The following ASB18 variants were observed in gnomAD, a reference collection of about 807,000 sequenced individuals.
The protein encoded by ASB18 is ankyrin repeat and SOCS box protein 18.
ASB18 carries 33 observed loss-of-function variants against 33.4 expected under a neutral mutation model. That is an observed-to-expected ratio of 0.99 (90% CI 0.75 to 1.32). ASB18 has a LOEUF of 1.32. Ranked by LOEUF, ASB18 falls within the 40% of genes most tolerant of loss-of-function variation. The pLI, the probability that ASB18 is intolerant of heterozygous loss-of-function variation, is 0.00. For missense variants in ASB18, 694 were observed against 655.5 expected (o/e 1.06, Z -0.64); for synonymous variants, 295 against 307.6 (o/e 0.96, Z 0.43).
Position 236,214,311 on chromosome 2 carries a change from T to G in ASB18, c.1101+51A>C. On this transcript the variant is annotated intron_variant, in intron 4 of 5. Transcript: ENST00000409749. This position sits in a 1 kb window ranked among gnomAD's most constrained non-coding sequence, Gnocchi z 6.5. ...GCAACCCAGCTCCCAGGCCGGTCAC[T>G]AAGTGGCAAAACTCCAGGGCACGTG... 2 of 1,533,114 alleles carry G rather than the reference T, an allele frequency of 1.3e-6. No homozygotes were observed. The highest frequency in any genetic ancestry group is 2.4e-5 in the South Asian group (2 of 83,204). 95.0% of individuals were successfully genotyped at this position (1,533,114 alleles called of 1,614,324 possible). A position where few individuals can be genotyped will look rare whatever the true frequency, so the allele number is the denominator to read the frequency against.
In ASB18 at chr2:236,250,744, T is replaced by C. The variant is rs1430184122; in HGVS notation, c.206-9342A>G. On this transcript the variant is annotated intron_variant, in intron 1 of 5. Transcript: ENST00000409749. This position sits in a 1 kb window ranked among gnomAD's most constrained non-coding sequence, Gnocchi z 4.1. ...TTCCTTCACCCCACTTCCTGCAGAA[T>C]TAAAAAAATATATTTTAAAAGTAAG... 1 of 152,154 alleles carries C rather than the reference T, an allele frequency of 6.6e-6. No individual in the cohort carries two copies. The highest frequency in any genetic ancestry group is 2.4e-5 in the African/African-American group (1 of 41,442). 9.4% of individuals were successfully genotyped at this position (152,154 alleles called of 1,614,324 possible).
chr2:236,225,840 TA>T lies in ASB18; in HGVS notation c.597-10975del, dbSNP rs2060534833. 6.6e-6 allele frequency among the ~76,000 whole-genome samples: 1 copy of T among 152,054 alleles called. No homozygotes were observed. Among genetic ancestry groups the T allele is most frequent in the South Asian group, 2.1e-4 (1 of 4,818 alleles). On this transcript the variant is annotated intron_variant, in intron 3 of 5. Coordinates refer to ENST00000409749, the MANE Select transcript of ASB18 (RefSeq NM_212556.4). This position sits in a 1 kb window ranked among gnomAD's most constrained non-coding sequence, Gnocchi z 5.1. The stretch of plus-strand genomic sequence containing the variant: ...CAGGAACTCAGAGACTCAAAGGTTT[TA>T]AAGTCCTGTGCCCATGGCGAATTGC...
chr2:236,202,991 C>T (rs2060412838), intron 4 of ASB18, among the ~76,000 whole-genome samples: 1 of 151,804 alleles, frequency 6.6e-6, no homozygotes, highest in Non-Finnish European at 1.5e-5. Flanking sequence ...TTGCGTATCT[C>T]CTTCAGTAAC....
Position 236,250,114 on chromosome 2 carries a change from C to T in ASB18, c.206-8712G>A, listed in dbSNP as rs2060662628. 6.6e-6 allele frequency: 1 copy of T among 152,194 alleles called. No individual in the cohort carries two copies. The highest frequency in any genetic ancestry group is 1.5e-5 in the Non-Finnish European group (1 of 68,042). The allele number at this position is 152,194 out of a possible 1,614,324, so 9.4% of individuals were successfully genotyped here. ...CCTTGAAATTATAATGGGGTATCCACATGGTAGTGTTTGAATGGTAACTAT... is the reference window on the plus strand; with the variant it reads ...CCTTGAAATTATAATGGGGTATCCATATGGTAGTGTTTGAATGGTAACTAT... On this transcript the variant is annotated intron_variant, in intron 1 of 5. Coordinates refer to ENST00000409749, the MANE Select transcript of ASB18 (RefSeq NM_212556.4). This position sits in a 1 kb window ranked among gnomAD's most constrained non-coding sequence, Gnocchi z 4.1.
intron 4 of ASB18, among the ~76,000 whole-genome samples, chr2:236,202,814 T>TATATATATATACACAC (rs1472095135): frequency 1.1e-3 from 133 of 126,222 alleles, no homozygotes; most frequent in African/African-American, 4.1e-3. Flanking sequence ...TATATATATA[T>TATATATATATACACAC]ACACACACCT....
In ASB18 at chr2:236,215,883, A is replaced by T. The variant is rs1211518698; in HGVS notation, c.597-1017T>A. Among the ~76,000 whole-genome samples, 2 of 152,180 alleles carry T rather than the reference A, an allele frequency of 1.3e-5. No homozygotes were observed. Among genetic ancestry groups the T allele is most frequent in the Non-Finnish European group, 2.9e-5 (2 of 68,040 alleles). ...TCTGCAAACATGCCGACTTCAGACT[A>T]CAGCCCTAGTCCTCTAGCTCCCCAA... On this transcript the variant is annotated intron_variant, in intron 3 of 5. Transcript: ENST00000409749. The surrounding 1 kb of genome is among the most constrained non-coding windows in gnomAD (Gnocchi z 7.2).
Position 236,213,374 on chromosome 2 carries a change from T to C in ASB18, c.1101+988A>G, listed in dbSNP as rs778004068. On this transcript the variant is annotated intron_variant, in intron 4 of 5. Coordinates refer to ENST00000409749, the MANE Select transcript of ASB18 (RefSeq NM_212556.4). This position sits in a 1 kb window ranked among gnomAD's most constrained non-coding sequence, Gnocchi z 4.8. ...ATGAGTGAATCTCACTTCTCGATGGTTCAGACCACTGAGAACACTGTACTT... is the reference window on the plus strand; with the variant it reads ...ATGAGTGAATCTCACTTCTCGATGGCTCAGACCACTGAGAACACTGTACTT... Among the ~76,000 whole-genome samples the C allele has an allele frequency of 6.6e-6, 1 of 152,328 alleles. No homozygotes were observed. Among genetic ancestry groups the C allele is most frequent in the Non-Finnish European group, 1.5e-5 (1 of 68,030 alleles).
rs1291624672 is a variant in ASB18, at chr2:236,228,527, A to G, written c.596+9162T>C. ...TGAGGAAACTACCTAAGCTGTGGAAAGAGCCACCTGAAAGGAAGGATTAGA... is the reference window on the plus strand; with the variant it reads ...TGAGGAAACTACCTAAGCTGTGGAAGGAGCCACCTGAAAGGAAGGATTAGA... On this transcript the variant is annotated intron_variant, in intron 3 of 5. Coordinates refer to ENST00000409749, the MANE Select transcript of ASB18 (RefSeq NM_212556.4). This position sits in a 1 kb window ranked among gnomAD's most constrained non-coding sequence, Gnocchi z 5.1. Among the ~76,000 whole-genome samples the G allele has an allele frequency of 6.6e-6, 1 of 152,242 alleles. No homozygotes were observed. Among genetic ancestry groups the G allele is most frequent in the Non-Finnish European group, 1.5e-5 (1 of 68,042 alleles).
In ASB18 at chr2:236,255,289, G is replaced by A. The variant is rs182128067; in HGVS notation, c.205+8852C>T. 6.6e-6 allele frequency among the ~76,000 whole-genome samples: 1 copy of A among 151,958 alleles called. No individual in the cohort carries two copies. On this transcript the variant is annotated intron_variant, in intron 1 of 5. Coordinates refer to ENST00000409749, the MANE Select transcript of ASB18 (RefSeq NM_212556.4). This position sits in a 1 kb window ranked among gnomAD's most constrained non-coding sequence, Gnocchi z 4.4. ...CTCTTGAGTAGCTGAAATTACAGGCGCCCACCACGACGCCCAGCTAATTTA... is the reference window on the plus strand; with the variant it reads ...CTCTTGAGTAGCTGAAATTACAGGCACCCACCACGACGCCCAGCTAATTTA...
Position 236,250,727 on chromosome 2 carries a change from C to T in ASB18, c.206-9325G>A, listed in dbSNP as rs1357858081. On this transcript the variant is annotated intron_variant, in intron 1 of 5. Coordinates refer to ENST00000409749, the MANE Select transcript of ASB18 (RefSeq NM_212556.4). The surrounding 1 kb of genome is among the most constrained non-coding windows in gnomAD (Gnocchi z 4.1). ...AATGTCTAAAGCCACCTTTCCTTCA[C>T]CCCACTTCCTGCAGAATTAAAAAAA... 1.3e-5 allele frequency: 2 copies of T among 152,168 alleles called. No individual in the cohort carries two copies. Among genetic ancestry groups the T allele is most frequent in the African/African-American group, 2.4e-5 (1 of 41,434 alleles). 9.4% of individuals were successfully genotyped at this position (152,168 alleles called of 1,614,324 possible). A position where few individuals can be genotyped will look rare whatever the true frequency, so the allele number is the denominator to read the frequency against.
rs901136080 is a variant in ASB18 at position 236,256,752 on chromosome 2, G to C, written c.205+7389C>G. On this transcript the variant is annotated intron_variant, in intron 1 of 5. Coordinates refer to ENST00000409749, the MANE Select transcript of ASB18 (RefSeq NM_212556.4). The surrounding 1 kb of genome is among the most constrained non-coding windows in gnomAD (Gnocchi z 4.7). ...TCACTGTGTTCCACAGGCAGTGACA[G>C]TTCATACTTGGGGGGAGCTGAGACG... Among the ~76,000 whole-genome samples, 1 of 152,184 alleles carries C rather than the reference G, an allele frequency of 6.6e-6. No homozygotes were observed. The highest frequency in any genetic ancestry group is 2.4e-5 in the African/African-American group (1 of 41,454).
chr2:236,261,579 G>A (rs904020668), intron 1 of ASB18, among the ~76,000 whole-genome samples: 1 of 152,184 alleles, frequency 6.6e-6, no homozygotes, highest in Non-Finnish European at 1.5e-5. Context: ...CTGAATTGAA[G>A]CAACCTGGAA....
chr2:236,206,190 G>GGT (rs1559327907), intron 4 of ASB18, among the ~76,000 whole-genome samples: 1 of 138,024 alleles, frequency 7.2e-6, no homozygotes, highest in African/African-American at 2.6e-5. Context: ...AGTTTCTTGG[G>GGT]TTTTTTTTTT....
chr2:236,254,784 C>G (rs559634530), intron 1 of ASB18, among the ~76,000 whole-genome samples: 41 of 152,038 alleles, frequency 2.7e-4, no homozygotes, highest in African/African-American at 9.4e-4. Flanking sequence ...AGTGGGTGAT[C>G]GGGTTTGGAT....
At chr2:236,246,537 C>T (rs1350100976) in intron 1 of ASB18, among the ~76,000 whole-genome samples, 1 of 151,844 alleles carries the variant, frequency 6.6e-6, no homozygotes, top group Non-Finnish European at 1.5e-5. Flanking sequence ...CCACTGTGTG[C>T]CTAGGACCCT....
At position 236,204,435 on chromosome 2, in the gene ASB18, CCCTGCATTCAGG is replaced by C. The variant is rs1259442646; in HGVS notation, c.1102-8062_1102-8051del. 6.6e-6 allele frequency among the ~76,000 whole-genome samples: 1 copy of C among 152,224 alleles called. No individual in the cohort carries two copies. The highest frequency in any genetic ancestry group is 1.5e-5 in the Non-Finnish European group (1 of 68,034). On this transcript the variant is annotated intron_variant, in intron 4 of 5. Transcript: ENST00000409749. The surrounding 1 kb of genome is among the most constrained non-coding windows in gnomAD (Gnocchi z 5.1). The stretch of plus-strand genomic sequence containing the variant: ...CTCCGTCCTTCAGATGTTCGACCAT[CCCTGCATTCAGG>C]CCTGTTCCTCTTTTCCGTTTACTCT...
rs2060457462 is a variant in ASB18, at chr2:236,211,283, C to A, written c.1101+3079G>T. 6.6e-6 allele frequency among the ~76,000 whole-genome samples: 1 copy of A among 152,210 alleles called. No individual in the cohort carries two copies. The highest frequency in any genetic ancestry group is 2.1e-4 in the South Asian group (1 of 4,828). On this transcript the variant is annotated intron_variant, in intron 4 of 5. Coordinates refer to ENST00000409749, the MANE Select transcript of ASB18 (RefSeq NM_212556.4). This position sits in a 1 kb window ranked among gnomAD's most constrained non-coding sequence, Gnocchi z 5.0. ...GCCTGCCCTCGGTGCCCTGTCCCTG[C>A]CCCCAGTGTTAACTAGCGGTCAGCC...
At chr2:236,199,979 A>G (rs2060392491) in intron 4 of ASB18, among the ~76,000 whole-genome samples, 1 of 152,182 alleles carries the variant, frequency 6.6e-6, no homozygotes, top group Non-Finnish European at 1.5e-5. Context: ...TTGTTAATCT[A>G]TATTTTCCTG....
Position 236,222,678 on chromosome 2 carries a change from T to C in ASB18, c.597-7812A>G, listed in dbSNP as rs551228692. Among the ~76,000 whole-genome samples the C allele has an allele frequency of 4.3e-4, 66 of 152,276 alleles. No homozygotes were observed. Among genetic ancestry groups the C allele is most frequent in the South Asian group, 2.9e-3 (14 of 4,822 alleles). On this transcript the variant is annotated intron_variant, in intron 3 of 5. Transcript: ENST00000409749. The surrounding 1 kb of genome is among the most constrained non-coding windows in gnomAD (Gnocchi z 5.5). ...TCACGAATGGTTTAGTACCATCCCC[T>C]TGGTGCTTTCCTCACGATAGCGAGT...
Sources: gnomAD v4.1 joint callset for allele counts (sites outside exome capture counted in the v4.1 genomes callset) on GRCh38, gnomAD v4.1.1 for gene constraint, Gnocchi (gnomAD v3.1) non-coding constraint, MANE v1.5 for transcripts, NCBI Gene and HGNC (gene_info 2026-07-23, HGNC 2026-07-21) for gene names.